TFEB: variants seen among roughly 807,000 people sequenced by gnomAD.
TFEB encodes the protein T-cell transcription factor EB.
A neutral mutation model predicts 48.0 loss-of-function variants in TFEB; 12 were observed. That is an observed-to-expected ratio of 0.25 (90% confidence interval 0.16 to 0.40). The LOEUF is 0.40. TFEB is among the 10% of genes least tolerant of loss of function. The probability of loss-of-function intolerance (pLI) is 1.00; values close to 1 mark genes in which losing one functional copy is unlikely to be tolerated. For synonymous variants in TFEB, 244 were observed against 261.4 expected (o/e 0.93, Z 0.64); for missense variants, 509 against 640.3 (o/e 0.79, Z 2.21).
chr6:41,733,628 C>T, intron 1 of TFEB: 1 of 985,416 alleles, frequency 1.0e-6, no homozygotes, highest in South Asian at 4.7e-5. Flanking sequence ...TGCTCGTGGT[C>T]CTGGGGCTGG....
intron 1 of TFEB, among the ~76,000 whole-genome samples, chr6:41,721,552 C>G (rs914505912): frequency 1.3e-5 from 2 of 152,126 alleles, no homozygotes. Flanking sequence ...TGGCCCTGAT[C>G]CACAATTTGA....
At position 41,723,519 on chromosome 6, in the gene TFEB, C is replaced by G. The variant is rs1254979414; in HGVS notation, c.-23+11831G>C. 7.8e-7 allele frequency: 1 copy of G among 1,288,420 alleles called. No homozygotes were observed. Among genetic ancestry groups the G allele is most frequent in the East Asian group, 5.6e-5 (1 of 18,004 alleles). The allele number at this position is 1,288,420 out of a possible 1,614,324, so 79.8% of individuals were successfully genotyped here. On this transcript the variant is annotated intron_variant, in intron 1 of 8. Coordinates refer to ENST00000373033, the MANE Select transcript of TFEB (RefSeq NM_001271944.2). The surrounding 1 kb of genome is among the most constrained non-coding windows in gnomAD (Gnocchi z 6.0). ...TGGAATGCTCAGCTCCTCCAGGGGC[C>G]GGAGCCCAGGGCCGCACCCCAGCCC...
chr6:41,716,258 C>A (rs1196181999), intron 1 of TFEB, among the ~76,000 whole-genome samples: 1 of 152,230 alleles, frequency 6.6e-6, no homozygotes, highest in African/African-American at 2.4e-5. Flanking sequence ...CAACCCCAGG[C>A]AGTCTCACCC....
chr6:41,705,923 C>T (rs1287483140), intron 1 of TFEB: 1 of 152,264 alleles, frequency 6.6e-6, no homozygotes, highest in Non-Finnish European at 1.5e-5. Flanking sequence ...CCACCTGAAG[C>T]TCTCGTCAGC....
chr6:41,719,917 T>C (rs965456060), intron 1 of TFEB, among the ~76,000 whole-genome samples: 2 of 147,052 alleles, frequency 1.4e-5, no homozygotes, highest in East Asian at 3.9e-4. Context: ...TGAGGCCCAT[T>C]TTATTATCCC....
Position 41,691,307 on chromosome 6 carries a change from G to C in TFEB, c.-22-72C>G. ...CAAAGCACAGGGGCTGGCAGGGGGAGGCCAGAATGACTGGGACCGCATCCA... is the reference window on the plus strand; with the variant it reads ...CAAAGCACAGGGGCTGGCAGGGGGACGCCAGAATGACTGGGACCGCATCCA... On this transcript the variant is annotated intron_variant, in intron 1 of 8. Transcript: ENST00000373033. This position sits in a 1 kb window ranked among gnomAD's most constrained non-coding sequence, Gnocchi z 5.2. 1.4e-6 allele frequency: 2 copies of C among 1,447,362 alleles called. No homozygotes were observed. Among genetic ancestry groups the C allele is most frequent in the South Asian group, 2.4e-5 (2 of 82,002 alleles). The allele number at this position is 1,447,362 out of a possible 1,614,324, so 89.7% of individuals were successfully genotyped here.
intron 1 of TFEB, among the ~76,000 whole-genome samples, chr6:41,711,652 CAAA>C (rs1245201449): frequency 6.6e-6 from 1 of 152,188 alleles, no homozygotes; most frequent in African/African-American, 2.4e-5. Flanking sequence ...GACAGGGGAA[CAAA>C]AGGGTGGGCT....
rs73422066 is a variant in TFEB at position 41,727,816 on chromosome 6, C to A, written c.-23+7534G>T. ...GGAGGCCTGAGCTGTCGGCCCTGAT[C>A]CAGCACCACATCTCCCCTTGGCCCC... On this transcript the variant is annotated intron_variant, in intron 1 of 8. Coordinates refer to ENST00000373033, the MANE Select transcript of TFEB (RefSeq NM_001271944.2). Among the ~76,000 whole-genome samples, 865 of 152,334 alleles carry A rather than the reference C, an allele frequency of 5.7e-3. 8 individuals carry two copies. The highest frequency in any genetic ancestry group is 0.02 in the African/African-American group (815 of 41,572).
intron 1 of TFEB, among the ~76,000 whole-genome samples, chr6:41,713,714 C>A (rs536488800): frequency 6.6e-6 from 1 of 152,236 alleles, no homozygotes; most frequent in East Asian, 1.9e-4. Flanking sequence ...TTGCATGAAT[C>A]ATTTTCTATT....
intron 4 of TFEB, among the ~76,000 whole-genome samples, chr6:41,689,420 G>T (rs568668800): frequency 2.0e-5 from 3 of 152,224 alleles, no homozygotes; most frequent in African/African-American, 4.8e-5. Context: ...CCCATGCAGT[G>T]CTCTCCCTGC....
Position 41,734,772 on chromosome 6 carries a change from G to A in TFEB, c.-23+578C>T. 3.3e-6 allele frequency: 2 copies of A among 598,780 alleles called. No homozygotes were observed. The highest frequency in any genetic ancestry group is 4.2e-6 in the Non-Finnish European group (2 of 476,024). The allele number at this position is 598,780 out of a possible 1,614,324, so 37.1% of individuals were successfully genotyped here. ...GAGACCGAGCTGGAGGAAGGGACGG[G>A]AAGGGAGGGAGAGATGGTACTTCCA... On this transcript the variant is annotated intron_variant, in intron 1 of 8. Transcript: ENST00000373033. This position sits in a 1 kb window ranked among gnomAD's most constrained non-coding sequence, Gnocchi z 4.0.
At chr6:41,689,860 AG>A in intron 3 of TFEB, 49 bp from the exon 4 acceptor site, 1 of 1,474,700 alleles carries the variant, frequency 6.8e-7, no homozygotes, top group South Asian at 1.1e-5. Flanking sequence ...CGAGGTGGGC[AG>A]GGGAAAGAGG....
rs1038683928 is a variant in TFEB, at chr6:41,686,087, G to A, written c.951+3C>T. On this transcript the variant is annotated splice_donor_region_variant and intron_variant, in intron 8 of 8. Coordinates refer to ENST00000373033, the MANE Select transcript of TFEB (RefSeq NM_001271944.2). ...CCAAAGAAGTCCAAGTTCAGGACCA[G>A]ACCTGGATACGGAGCCAGAGCTGCT... The A allele has an allele frequency of 1.2e-6, 2 of 1,614,266 alleles. No homozygotes were observed. The highest frequency in any genetic ancestry group is 2.7e-5 in the African/African-American group (2 of 75,082).
chr6:41,719,644 T>C (rs868860287), intron 1 of TFEB, among the ~76,000 whole-genome samples: 3 of 152,332 alleles, frequency 2.0e-5, no homozygotes, highest in East Asian at 3.9e-4. Context: ...GTCCCATTTA[T>C]TCGGCCCTTA....
chr6:41,724,110 G>T lies in TFEB; in HGVS notation c.-23+11240C>A, dbSNP rs923869408. 6.6e-6 allele frequency among the ~76,000 whole-genome samples: 1 copy of T among 151,428 alleles called. No individual in the cohort carries two copies. Among genetic ancestry groups the T allele is most frequent in the Admixed American group, 6.6e-5 (1 of 15,216 alleles). On this transcript the variant is annotated intron_variant, in intron 1 of 8. Coordinates refer to ENST00000373033, the MANE Select transcript of TFEB (RefSeq NM_001271944.2). The surrounding 1 kb of genome is among the most constrained non-coding windows in gnomAD (Gnocchi z 4.4). The stretch of plus-strand genomic sequence containing the variant: ...ATCAAGCAGAGCCCTGGGCAGCTCC[G>T]GGAAGATCCACACCACCGCACACTT...
At chr6:41,711,853 G>T (rs560546609) in intron 1 of TFEB, among the ~76,000 whole-genome samples, 1 of 152,226 alleles carries the variant, frequency 6.6e-6, no homozygotes, top group East Asian at 1.9e-4. Flanking sequence ...TCATGGCACC[G>T]AGCTGGGCTG....
At position 41,691,043 on chromosome 6, in the gene TFEB, G is replaced by A. The variant is rs1183131492; in HGVS notation, c.171C>T (p.Val57=). 6.3e-7 allele frequency: 1 copy of A among 1,574,916 alleles called. No individual in the cohort carries two copies. The highest frequency in any genetic ancestry group is 1.2e-5 in the South Asian group (1 of 86,942). Residue 57 remains valine (V), a synonymous_variant, in exon 2 of 9, where the codon GTC becomes GTT. Coordinates refer to ENST00000373033, the MANE Select transcript of TFEB (RefSeq NM_001271944.2). The surrounding 1 kb of genome is among the most constrained non-coding windows in gnomAD (Gnocchi z 5.2). ...GPPTPAINTP[V]HFQSPPPVPG... is the part of the protein sequence containing the mutation. ...GCACAGGTGGTGGCGACTGGAAGTG[G>A]ACGGGGGTATTGATGGCCGGGGTGG...
chr6:41,716,653 A>G lies in TFEB; in HGVS notation c.-23+18697T>C, dbSNP rs533485653. Among the ~76,000 whole-genome samples, 1,357 of 152,272 alleles carry G rather than the reference A, an allele frequency of 8.9e-3. 6 individuals are homozygous for G. The highest frequency in any genetic ancestry group is 0.013 in the Non-Finnish European group (887 of 68,016). On this transcript the variant is annotated intron_variant, in intron 1 of 8. Transcript: ENST00000373033. Reference sequence around the variant, plus strand: ...AGGCTCCAGTCCCCAGAAATGTCCAAAGGAGTAGCCCCTGCCACCCCCACC... The same window carrying G: ...AGGCTCCAGTCCCCAGAAATGTCCAGAGGAGTAGCCCCTGCCACCCCCACC...
intron 1 of TFEB, among the ~76,000 whole-genome samples, chr6:41,707,829 G>A (rs544076914): frequency 5.3e-5 from 8 of 152,366 alleles, no homozygotes; most frequent in African/African-American, 1.9e-4. Context: ...GAGGCTACTA[G>A]GAGGCTCAGT....
Sources: gnomAD v4.1 joint callset for allele counts (sites outside exome capture counted in the v4.1 genomes callset) on GRCh38, gnomAD v4.1.1 for gene constraint, Gnocchi (gnomAD v3.1) non-coding constraint, MANE v1.5 for transcripts, NCBI Gene and HGNC (gene_info 2026-07-23, HGNC 2026-07-21) for gene names.